The following PTPRG variants were observed in gnomAD, a reference collection of about 807,000 sequenced individuals.
PTPRG encodes the protein protein tyrosine phosphatase receptor type G.
In PTPRG, 102 loss-of-function variants were observed where a neutral mutation model predicts 165.3. The ratio of observed to expected loss-of-function variants is 0.62; its 90% CI spans 0.53 to 0.73. The LOEUF is 0.73. PTPRG is among the 30% of genes least tolerant of loss of function. The pLI is 0.00. For missense variants in PTPRG, 1,866 were observed against 1,861.4 expected (o/e 1.00, Z -0.05); for synonymous variants, 675 against 669.5 (o/e 1.01, Z -0.13).
intron 4 of PTPRG, among the ~76,000 whole-genome samples, chr3:62,074,582 C>T (rs1043217324): frequency 6.6e-6 from 1 of 152,030 alleles, no homozygotes; most frequent in African/African-American, 2.4e-5. Context: ...CTCAACCAGT[C>T]CTCCCACTTG....
intron 2 of PTPRG, among the ~76,000 whole-genome samples, chr3:61,975,376 C>T (rs1340724971): frequency 6.6e-5 from 10 of 152,174 alleles, no homozygotes. Context: ...AGCTAGTACT[C>T]CATATCAGCC....
intron 7 of PTPRG, among the ~76,000 whole-genome samples, chr3:62,160,480 T>C (rs894933558): frequency 1.4e-4 from 21 of 152,284 alleles, no homozygotes; most frequent in African/African-American, 4.6e-4. Flanking sequence ...CAGGCCAAAA[T>C]CATGTCCCCC....
At chr3:61,563,982 AGCTAGGACGT>A (rs71831358) in intron 1 of PTPRG, among the ~76,000 whole-genome samples, 104,385 of 151,786 alleles carry the variant, frequency 0.69, 36,520 homozygotes, top group East Asian at 0.87. Flanking sequence ...TCGGAGGCCG[AGCTAGGACGT>A]GCGTCCACAC....
chr3:61,923,851 T>C (rs1038426230), intron 2 of PTPRG, among the ~76,000 whole-genome samples: 1 of 151,940 alleles, frequency 6.6e-6, no homozygotes, highest in Non-Finnish European at 1.5e-5. Context: ...GGTTTTTCTA[T>C]CACTATGCTA....
intron 4 of PTPRG, among the ~76,000 whole-genome samples, chr3:62,009,458 A>G (rs2041368827): frequency 6.6e-6 from 1 of 152,112 alleles, no homozygotes; most frequent in Non-Finnish European, 1.5e-5. Context: ...TTCAATATCC[A>G]TGTCTTCAGG....
At chr3:62,106,022 A>G (rs889597817) in intron 5 of PTPRG, among the ~76,000 whole-genome samples, 1 of 152,354 alleles carries the variant, frequency 6.6e-6, no homozygotes. Context: ...TCAAGACTGT[A>G]TCACAGTAAC....
intron 1 of PTPRG, among the ~76,000 whole-genome samples, chr3:61,671,807 C>A (rs868029894): frequency 1.1e-5 from 1 of 86,994 alleles, no homozygotes; most frequent in African/African-American, 5.2e-5. Context: ...GGCGGCTGGC[C>A]GGGCAGAGGG....
chr3:61,647,663 G>A (rs1054277050), intron 1 of PTPRG, among the ~76,000 whole-genome samples: 1 of 151,988 alleles, frequency 6.6e-6, no homozygotes, highest in African/African-American at 2.4e-5. Flanking sequence ...GTGGTGGCAG[G>A]CACCTGTAGT....
rs557341647 is a variant in PTPRG, at chr3:62,240,410, T to C, written c.2376-3397T>C. Among the ~76,000 whole-genome samples the C allele has an allele frequency of 1.4e-4, 21 of 152,116 alleles. No homozygotes were observed. The highest frequency in any genetic ancestry group is 2.4e-4 in the Non-Finnish European group (16 of 68,028). On this transcript the variant is annotated intron_variant, in intron 14 of 29. Transcript: ENST00000474889. This position sits in a 1 kb window ranked among gnomAD's most constrained non-coding sequence, Gnocchi z 5.1. ...AACAGCCCATCTGTCTATATTTGGG[T>C]GAGACTATAATAATAGCCCACAGAT...
chr3:61,752,785 CA>C (rs749817659), intron 2 of PTPRG, among the ~76,000 whole-genome samples: 2,205 of 69,952 alleles, frequency 0.032, 75 homozygotes, highest in African/African-American at 0.12. Flanking sequence ...AAGACTGTCT[CA>C]AAAAAAAAAA....
At chr3:61,644,044 A>G (rs1344545080) in intron 1 of PTPRG, among the ~76,000 whole-genome samples, 1 of 152,114 alleles carries the variant, frequency 6.6e-6, no homozygotes, top group Non-Finnish European at 1.5e-5. Context: ...TCACATTTAA[A>G]TTATACAGTG....
intron 2 of PTPRG, among the ~76,000 whole-genome samples, chr3:61,888,807 A>G (rs148628203): frequency 3.3e-4 from 50 of 152,174 alleles, no homozygotes; most frequent in African/African-American, 1.1e-3. Flanking sequence ...TTTTGTTGTC[A>G]TGTCTTTTTA....
At chr3:61,732,742 AAAT>A (rs1293865372) in intron 1 of PTPRG, among the ~76,000 whole-genome samples, 2 of 150,416 alleles carry the variant, frequency 1.3e-5, no homozygotes, top group African/African-American at 2.5e-5. Context: ...ATAAATAAAT[AAAT>A]AAATAAATAA....
chr3:61,974,447 G>C (rs2040456337), intron 2 of PTPRG, among the ~76,000 whole-genome samples: 5 of 152,002 alleles, frequency 3.3e-5, no homozygotes, highest in Admixed American at 3.3e-4. Flanking sequence ...CAGCTACTCG[G>C]GAGGCTGAGG....
intron 1 of PTPRG, among the ~76,000 whole-genome samples, chr3:61,719,866 C>A (rs1303270348): frequency 6.6e-6 from 1 of 152,106 alleles, no homozygotes; most frequent in African/African-American, 2.4e-5. Context: ...TCTCCCCTTT[C>A]CTGGAACGTT....
At position 62,078,097 on chromosome 3, in the gene PTPRG, T is replaced by C. The variant is rs995146849; in HGVS notation, c.520-66T>C. The C allele has an allele frequency of 2.9e-5, 32 of 1,089,666 alleles. 1 individual carries two copies. The South Asian group carries it at 3.1e-4, about 11-fold the overall frequency. The allele number at this position is 1,089,666 out of a possible 1,614,324, so 67.5% of individuals were successfully genotyped here. A position where few individuals can be genotyped will look rare whatever the true frequency, so the allele number is the denominator to read the frequency against. On this transcript the variant is annotated intron_variant, in intron 4 of 29. Transcript: ENST00000474889. ...ACTGGGGAATATACATTTATGGTAC[T>C]ATTCTCTCAACTTTTTATTTATGTT... is the stretch of plus-strand genomic sequence containing the variant.
chr3:62,014,579 G>C (rs1281160445), intron 4 of PTPRG, among the ~76,000 whole-genome samples: 1 of 152,142 alleles, frequency 6.6e-6, no homozygotes, highest in Non-Finnish European at 1.5e-5. Context: ...CTAAAATTCA[G>C]TATTTCAGGG....
At chr3:61,998,002 A>G in intron 3 of PTPRG, among the ~76,000 whole-genome samples, 1 of 152,144 alleles carries the variant, frequency 6.6e-6, no homozygotes, top group East Asian at 1.9e-4. Flanking sequence ...GTAGGAGGAT[A>G]TGATAGTAAG....
intron 2 of PTPRG, among the ~76,000 whole-genome samples, chr3:61,899,442 G>A (rs1342042923): frequency 6.6e-6 from 1 of 152,212 alleles, no homozygotes; most frequent in Non-Finnish European, 1.5e-5. Context: ...GTTTGAGAGT[G>A]AACATGGTGA....
Sources: allele counts gnomAD v4.1 joint callset (sites outside exome capture counted in the v4.1 genomes callset), GRCh38; gene constraint gnomAD v4.1.1; non-coding constraint Gnocchi (gnomAD v3.1); transcripts MANE v1.5; gene names NCBI Gene and HGNC (gene_info 2026-07-23, HGNC 2026-07-21).